The following AP3B1 variants were observed in gnomAD, a reference collection of about 807,000 sequenced individuals.
AP3B1 encodes the protein AP-3 complex subunit beta-1.
A neutral mutation model predicts 132.5 loss-of-function variants in AP3B1; 61 were observed. The observed-to-expected ratio is 0.46, with a 90% CI of 0.37 to 0.57. The LOEUF is 0.57. Ranked by LOEUF, AP3B1 falls within the 20% of genes least tolerant of loss-of-function variation. AP3B1 has a pLI of 0.00. For missense variants in AP3B1, 1,120 were observed against 1,289.4 expected (o/e 0.87, Z 2.01); for synonymous variants, 388 against 438.3 (o/e 0.89, Z 1.43).
chr5:78,147,552 A>T (rs1010059605), intron 14 of AP3B1, among the ~76,000 whole-genome samples: 6 of 150,178 alleles, frequency 4.0e-5, no homozygotes, highest in African/African-American at 2.5e-5. Context: ...TTTCTTTCTT[A>T]TTTTTTTTCT....
chr5:78,273,111 G>A (rs1287819064), intron 1 of AP3B1, among the ~76,000 whole-genome samples: 2 of 147,926 alleles, frequency 1.4e-5, no homozygotes, highest in Non-Finnish European at 1.5e-5. Flanking sequence ...CAAAAAGTGA[G>A]CCCCTAGGCC....
At chr5:78,015,294 GTA>G (rs140159268) in intron 26 of AP3B1, 114 bp downstream of exon 26, 2,220 of 1,023,960 alleles carry the variant, frequency 2.2e-3, no homozygotes, top group Non-Finnish European at 2.3e-3. Flanking sequence ...GGGAGTGTGT[GTA>G]TATATATATA....
intron 23 of AP3B1, among the ~76,000 whole-genome samples, chr5:78,037,902 T>C (rs1278594756): frequency 4.6e-5 from 7 of 152,214 alleles, no homozygotes; most frequent in South Asian, 2.1e-4. Flanking sequence ...AAGAAAGAGA[T>C]AGACATTCTA....
chr5:78,057,636 T>A (rs1748870439), intron 22 of AP3B1, among the ~76,000 whole-genome samples: 1 of 152,020 alleles, frequency 6.6e-6, no homozygotes, highest in South Asian at 2.1e-4. Flanking sequence ...CTCCCCTTAC[T>A]TTTTGCCAAT....
intron 22 of AP3B1, among the ~76,000 whole-genome samples, chr5:78,050,406 T>A (rs749118898): frequency 6.6e-6 from 1 of 152,188 alleles, no homozygotes; most frequent in Non-Finnish European, 1.5e-5. Flanking sequence ...TTTAAATGAT[T>A]ATGGAAATTT....
intron 26 of AP3B1, among the ~76,000 whole-genome samples, chr5:78,008,782 A>G (rs1312525973): frequency 6.6e-6 from 1 of 152,224 alleles, no homozygotes; most frequent in Non-Finnish European, 1.5e-5. Flanking sequence ...AAGATGTCCA[A>G]TGTTATTTGA....
chr5:78,046,609 T>C (rs1748340838), intron 22 of AP3B1, among the ~76,000 whole-genome samples: 1 of 152,072 alleles, frequency 6.6e-6, no homozygotes, highest in South Asian at 2.1e-4. Context: ...GTGATAGATT[T>C]GTTTGTTCAT....
intron 24 of AP3B1, among the ~76,000 whole-genome samples, chr5:78,033,259 A>G (rs1350116306): frequency 6.6e-6 from 1 of 152,074 alleles, no homozygotes; most frequent in African/African-American, 2.4e-5. Context: ...ATAGAAAAAT[A>G]ATAAACAATT....
At chr5:78,217,206 T>C (rs550806384) in intron 6 of AP3B1, among the ~76,000 whole-genome samples, 1 of 152,282 alleles carries the variant, frequency 6.6e-6, no homozygotes, top group East Asian at 1.9e-4. Context: ...TGAAAAATAT[T>C]AGATACAATG....
In AP3B1 at chr5:78,216,899, A is replaced by G. The variant is rs76649531; in HGVS notation, c.604-662T>C. On this transcript the variant is annotated intron_variant, in intron 6 of 26. Transcript: ENST00000255194. ...ACTAACAAAAGGGGGCTCTTCCAAC[A>G]CCAGTTAATGAATCATAATGTTAGT... Among the ~76,000 whole-genome samples the G allele has an allele frequency of 3.1e-3, 472 of 152,248 alleles. 4 individuals carry two copies. The highest frequency in any genetic ancestry group is 0.011 in the African/African-American group (451 of 41,552).
chr5:78,264,810 TTTC>T (rs988096603), intron 2 of AP3B1, among the ~76,000 whole-genome samples: 1 of 152,222 alleles, frequency 6.6e-6, no homozygotes, highest in African/African-American at 2.4e-5. Flanking sequence ...CTCAGCTAAT[TTTC>T]CTGTTTTGAC....
chr5:78,065,423 G>A (rs753602108), intron 22 of AP3B1, among the ~76,000 whole-genome samples: 1 of 152,134 alleles, frequency 6.6e-6, no homozygotes, highest in East Asian at 1.9e-4. Context: ...CCGAGCTCCC[G>A]GGCAAGGGGC....
At chr5:78,048,915 C>T (rs1748458346) in intron 22 of AP3B1, among the ~76,000 whole-genome samples, 1 of 152,112 alleles carries the variant, frequency 6.6e-6, no homozygotes, top group South Asian at 2.1e-4. Context: ...TGGGAGAATG[C>T]CCCCTTCCCC....
intron 1 of AP3B1, among the ~76,000 whole-genome samples, chr5:78,276,693 C>A (rs1299143800): frequency 6.6e-6 from 1 of 151,726 alleles, no homozygotes; most frequent in East Asian, 2.0e-4. Flanking sequence ...CACGGCAAGA[C>A]CCTTTCACCA....
intron 22 of AP3B1, among the ~76,000 whole-genome samples, chr5:78,061,505 A>G (rs1192576314): frequency 6.6e-6 from 1 of 152,234 alleles, no homozygotes; most frequent in East Asian, 1.9e-4. Flanking sequence ...AGTGGCTGAC[A>G]TGTTTTCACC....
At chr5:78,260,262 C>T (rs185073301) in intron 2 of AP3B1, among the ~76,000 whole-genome samples, 37 of 152,190 alleles carry the variant, frequency 2.4e-4, no homozygotes, top group African/African-American at 8.9e-4. Flanking sequence ...ATGAAATGCC[C>T]CCATCACCTG....
intron 1 of AP3B1, among the ~76,000 whole-genome samples, chr5:78,286,932 A>C (rs1470205789): frequency 6.6e-6 from 1 of 152,214 alleles, no homozygotes; most frequent in African/African-American, 2.4e-5. Flanking sequence ...TGATTATTCT[A>C]CTTTAAGCTC....
At chr5:78,100,263 C>CT (rs1366956368) in intron 21 of AP3B1, among the ~76,000 whole-genome samples, 1 of 152,138 alleles carries the variant, frequency 6.6e-6, no homozygotes, top group Non-Finnish European at 1.5e-5. Flanking sequence ...TAGAAAAACT[C>CT]TATCAAAAAT....
At chr5:78,134,443 AAT>A (rs1251175685) in intron 15 of AP3B1, among the ~76,000 whole-genome samples, 2 of 152,248 alleles carry the variant, frequency 1.3e-5, no homozygotes, top group African/African-American at 4.8e-5. Context: ...GATACAAACA[AAT>A]ATGTTTGGTA....
Sources: allele counts gnomAD v4.1 joint callset (sites outside exome capture counted in the v4.1 genomes callset), GRCh38; gene constraint gnomAD v4.1.1; transcripts MANE v1.5; gene names NCBI Gene and HGNC (gene_info 2026-07-23, HGNC 2026-07-21).